MFSD12: variants seen among roughly 807,000 people sequenced by gnomAD.
MFSD12 encodes major facilitator superfamily domain containing 12.
MFSD12 carries 67 observed loss-of-function variants against 51.2 expected under a neutral mutation model. That is an observed-to-expected ratio of 1.31 (90% confidence interval 1.08 to 1.60). The LOEUF is 1.60. MFSD12 is among the 40% of genes most tolerant of loss of function. The pLI, the probability that MFSD12 is intolerant of heterozygous loss-of-function variation, is 0.00. For missense variants in MFSD12, 921 were observed against 673.0 expected (o/e 1.37, Z -4.08); for synonymous variants, 441 against 316.7 (o/e 1.39, Z -4.17).
chr19:3,553,908 CCT>C (rs1568262742), intron 1 of MFSD12, among the ~76,000 whole-genome samples: 1 of 150,498 alleles, frequency 6.6e-6, no homozygotes, highest in African/African-American at 2.4e-5. Flanking sequence ...ATGGTGAAAC[CCT>C]GTCTCTACTA....
downstream of MFSD12, among the ~76,000 whole-genome samples, chr19:3,540,696 A>G (rs184151223): frequency 4.7e-3 from 699 of 149,916 alleles, 7 homozygotes; most frequent in African/African-American, 0.016. Context: ...CCTGACCAAC[A>G]TGGTGAAACC....
Position 3,551,350 on chromosome 19 carries a change from G to T in MFSD12, c.299-156C>A, listed in dbSNP as rs1241907332. 6.6e-6 allele frequency among the ~76,000 whole-genome samples: 1 copy of T among 152,202 alleles called. No homozygotes were observed. The highest frequency in any genetic ancestry group is 6.5e-5 in the Admixed American group (1 of 15,288). ...GCAGGAGCGAGGGTCTGCAGTCGGG[G>T]TCCCCCAGGCTTATGGCCCCTGGTG... On this transcript the variant is annotated intron_variant, in intron 1 of 9. Transcript: ENST00000355415. The surrounding 1 kb of genome is among the most constrained non-coding windows in gnomAD (Gnocchi z 4.6).
chr19:3,546,026 TC>T (rs2030992596), intron 8 of MFSD12, 47 bp downstream of exon 8: 1 of 1,591,940 alleles, frequency 6.3e-7, no homozygotes, highest in African/African-American at 1.3e-5. Flanking sequence ...AGGCGCTTAA[TC>T]CCCTCTTACT....
rs1332256993 is a variant in MFSD12 at position 3,544,564 on chromosome 19, G to A, written c.*146C>T. 5.9e-5 allele frequency: 86 copies of A among 1,445,692 alleles called. No individual in the cohort carries two copies. The highest frequency in any genetic ancestry group is 2.6e-4 in the Middle Eastern group (1 of 3,868). 89.6% of individuals were successfully genotyped at this position (1,445,692 alleles called of 1,614,324 possible). A position where few individuals can be genotyped will look rare whatever the true frequency, so the allele number is the denominator to read the frequency against. On this transcript the variant is annotated 3_prime_UTR_variant, in exon 10 of 10. Transcript: ENST00000355415. ...GCGGGCATCCCTGCTGCCCTCACCC[G>A]ACCCCACCCCCGGGAGCTGGGTGAG...
chr19:3,543,679 C>A (rs376372464), downstream of MFSD12: 1 of 1,534,396 alleles, frequency 6.5e-7, no homozygotes, highest in Non-Finnish European at 8.8e-7. Context: ...GCAAGGAATA[C>A]GGTGAGGCTA....
At chr19:3,549,055 GAA>G (rs2031298032) in intron 2 of MFSD12, among the ~76,000 whole-genome samples, 1 of 152,198 alleles carries the variant, frequency 6.6e-6, no homozygotes, top group Non-Finnish European at 1.5e-5. Context: ...ACGCGGGAGA[GAA>G]GAGTTCCCAC....
At chr19:3,552,064 C>G (rs1437584916) in intron 1 of MFSD12, among the ~76,000 whole-genome samples, 1 of 152,196 alleles carries the variant, frequency 6.6e-6, no homozygotes, top group Non-Finnish European at 1.5e-5. Context: ...CTTCGGAGCA[C>G]CCGGGAATTC....
downstream of MFSD12, chr19:3,542,051 C>A: frequency 6.4e-6 from 5 of 778,210 alleles, no homozygotes; most frequent in Non-Finnish European, 6.2e-6. Flanking sequence ...CTCAGGTGAT[C>A]TACCCACCTT....
rs994124283 is a variant in MFSD12, at chr19:3,547,895, G to A, written c.790C>T (p.Pro264Ser). ...AGCCAGTGCTTCCAGAGCAGCAGGGGCTGGGCCGTGGCAGGGGCCAACAGG... is the reference window on the plus strand; with the variant it reads ...AGCCAGTGCTTCCAGAGCAGCAGGGACTGGGCCGTGGCAGGGGCCAACAGG... ...TPLLAPATAQ[P>S]LLLWKHWLRE... Residue 264 changes from proline (P) to serine (S), a missense_variant, in exon 4 of 10, where the codon CCC becomes TCC. Transcript: ENST00000355415. The A allele has an allele frequency of 1.3e-6, 2 of 1,562,984 alleles. No individual in the cohort carries two copies. The highest frequency in any genetic ancestry group is 2.2e-5 in the Admixed American group (1 of 45,914).
At position 3,546,286 on chromosome 19, in the gene MFSD12, G is replaced by T. The variant is rs368883765; in HGVS notation, c.1163C>A (p.Ala388Asp). The T allele has an allele frequency of 1.1e-5, 17 of 1,610,308 alleles. No individual in the cohort carries two copies. Among genetic ancestry groups the T allele is most frequent in the Non-Finnish European group, 1.4e-5 (17 of 1,179,104 alleles). The stretch of plus-strand genomic sequence containing the variant: ...GGGACCGATGAGGTCGGCCGTCATG[G>T]CCAGCGAGGTGACGAGGATGGTGGC... Reference protein sequence around the residue: ...GCATILVTSLAMTADLIGPHT... With the variant: ...GCATILVTSLDMTADLIGPHT... Residue 388 changes from alanine (A) to aspartate (D), a missense_variant, in exon 7 of 10, where the codon GCC becomes GAC. By Grantham distance (126) the Ala-to-Asp change is moderately radical. Transcript: ENST00000355415.
In MFSD12 at chr19:3,544,687, C is replaced by T. The variant is rs1424055691; in HGVS notation, c.*23G>A. The stretch of plus-strand genomic sequence containing the variant: ...CGTGCGTCCCCACAGTTCCCTTGCA[C>T]AGGTGCAGGAGGCTGTCAGGAGTCA... On this transcript the variant is annotated 3_prime_UTR_variant, in exon 10 of 10. Coordinates refer to ENST00000355415, the MANE Select transcript of MFSD12 (RefSeq NM_174983.5). 2.5e-6 allele frequency: 4 copies of T among 1,586,194 alleles called. No individual in the cohort carries two copies. The African/African-American group carries it at 4.0e-5, about 16-fold the overall frequency.
At chr19:3,538,569 C>T (rs140514121) in exon 5 of MFSD12, 11 of 403,672 alleles carry the variant, frequency 2.7e-5, no homozygotes, top group Admixed American at 8.0e-5. Flanking sequence ...TCTCACTGAG[C>T]GTGACATCCT....
intron 6 of MFSD12, 140 bp from the exon 7 acceptor site, chr19:3,546,565 G>C (rs1218074257): frequency 3.0e-6 from 3 of 998,076 alleles, no homozygotes; most frequent in Non-Finnish European, 4.4e-6. Context: ...TCTGGCCCTG[G>C]ACACAACACC....
chr19:3,555,073 C>T (rs1242828274), intron 1 of MFSD12, among the ~76,000 whole-genome samples: 2 of 152,210 alleles, frequency 1.3e-5, no homozygotes, highest in African/African-American at 2.4e-5. Context: ...AACATAAAGC[C>T]TTCGGTTGCT....
intron 1 of MFSD12, among the ~76,000 whole-genome samples, chr19:3,553,121 G>A (rs1013959348): frequency 2.0e-5 from 3 of 152,258 alleles, no homozygotes; most frequent in Non-Finnish European, 4.4e-5. Flanking sequence ...GAGGGTTTGC[G>A]CAGATTCCTG....
At chr19:3,540,078 C>G (rs1251725095), downstream of MFSD12, 2 of 149,312 alleles carry the variant, frequency 1.3e-5, no homozygotes. Context: ...ATAGTGAGAC[C>G]CATCTCTTTT....
chr19:3,543,035 AG>A, downstream of MFSD12: 1 of 1,605,584 alleles, frequency 6.2e-7, no homozygotes. Flanking sequence ...GTGTGGGGAG[AG>A]GGGGAGTCAG....
chr19:3,552,753 C>G (rs1010388020), intron 1 of MFSD12, among the ~76,000 whole-genome samples: 3 of 152,074 alleles, frequency 2.0e-5, no homozygotes, highest in Admixed American at 6.6e-5. Flanking sequence ...CCAAAGTGCT[C>G]GGATTACAGA....
In MFSD12 at chr19:3,556,309, C is replaced by T. The variant is rs543487504; in HGVS notation, c.298+797G>A. On this transcript the variant is annotated intron_variant, in intron 1 of 9. Transcript: ENST00000355415. ...CAAAGGAGGCGCTGAGCAGTCACCA[C>T]CAACCCTCCAGAGGGTTCAGGGTGG... is the stretch of plus-strand genomic sequence containing the variant. Among the ~76,000 whole-genome samples the T allele has an allele frequency of 8.5e-5, 13 of 152,356 alleles. 1 individual carries two copies. In the South Asian group the frequency reaches 2.7e-3, roughly 32 times the overall value.
Sources: allele counts gnomAD v4.1 joint callset (sites outside exome capture counted in the v4.1 genomes callset), GRCh38; gene constraint gnomAD v4.1.1; non-coding constraint Gnocchi (gnomAD v3.1); transcripts MANE v1.5; gene names NCBI Gene and HGNC (gene_info 2026-07-23, HGNC 2026-07-21).